Variants in IFT56 observed in about 807,000 individuals in gnomAD.
The protein encoded by IFT56 is intraflagellar transport protein 56.
At chr7:139,135,445 C>T in the IFT56 span, among the ~76,000 whole-genome samples, 1 of 152,104 alleles carries the variant, frequency 6.6e-6, no homozygotes, top group East Asian at 1.9e-4. Flanking sequence ...ATGATTTTTT[C>T]CTATTATGTG....
At chr7:139,163,114 G>A in the IFT56 span, among the ~76,000 whole-genome samples, 1 of 152,078 alleles carries the variant, frequency 6.6e-6, no homozygotes, top group Middle Eastern at 3.2e-3. Context: ...GGAGGCCGAG[G>A]TGGGCGGATC....
the IFT56 span, among the ~76,000 whole-genome samples, chr7:139,145,930 A>G: frequency 2.0e-5 from 3 of 152,222 alleles, no homozygotes; most frequent in Admixed American, 2.0e-4. Context: ...CACAAAAATC[A>G]AGATTTCCTG....
the IFT56 span, among the ~76,000 whole-genome samples, chr7:139,151,324 A>G: frequency 6.6e-6 from 1 of 152,224 alleles, no homozygotes; most frequent in African/African-American, 2.4e-5. Context: ...AAGGGATGGC[A>G]AACAGATGAT....
the IFT56 span, among the ~76,000 whole-genome samples, chr7:139,143,142 C>T: frequency 6.6e-6 from 1 of 152,066 alleles, no homozygotes; most frequent in Non-Finnish European, 1.5e-5. Flanking sequence ...ATAAAAATGT[C>T]ATTCTGAACA....
the IFT56 span, chr7:139,148,196 C>T: frequency 1.3e-6 from 2 of 1,597,038 alleles, no homozygotes; most frequent in East Asian, 2.2e-5. Flanking sequence ...CTAATTCTTT[C>T]ATCTAATAGG....
At chr7:139,185,715 T>C in the IFT56 span, among the ~76,000 whole-genome samples, 3 of 152,132 alleles carry the variant, frequency 2.0e-5, no homozygotes, top group East Asian at 5.8e-4. Flanking sequence ...GCTCTCAGTG[T>C]CTTGACCTGG....
the IFT56 span, among the ~76,000 whole-genome samples, chr7:139,153,022 G>T: frequency 1.3e-5 from 2 of 151,850 alleles, no homozygotes; most frequent in Non-Finnish European, 2.9e-5. Flanking sequence ...GGCCACGTGC[G>T]CCTGTAGTCC....
At chr7:139,140,507 C>T in the IFT56 span, among the ~76,000 whole-genome samples, 5 of 152,018 alleles carry the variant, frequency 3.3e-5, no homozygotes, top group South Asian at 2.1e-4. Context: ...TGGCTGGGTG[C>T]GGTGGCTCAC....
the IFT56 span, chr7:139,147,236 G>A: frequency 1.2e-6 from 2 of 1,613,350 alleles, no homozygotes; most frequent in African/African-American, 1.3e-5. Context: ...CACTATATGC[G>A]ATCTCACTAC....
the IFT56 span, chr7:139,190,708 C>T: frequency 6.6e-6 from 1 of 152,230 alleles, no homozygotes; most frequent in Non-Finnish European, 1.5e-5. Context: ...CTTCTGAGCT[C>T]TTATAACATA....
chr7:139,187,579 C>T, the IFT56 span: 1 of 1,603,922 alleles, frequency 6.2e-7, no homozygotes, highest in Non-Finnish European at 8.5e-7. Context: ...TACTCATTTG[C>T]TTGTTTGTGA....
the IFT56 span, among the ~76,000 whole-genome samples, chr7:139,154,003 A>G: frequency 6.6e-6 from 1 of 152,196 alleles, no homozygotes; most frequent in Non-Finnish European, 1.5e-5. Context: ...AACAGTTGTT[A>G]TCATCTGACT....
the IFT56 span, among the ~76,000 whole-genome samples, chr7:139,183,465 G>T: frequency 6.6e-6 from 1 of 152,180 alleles, no homozygotes; most frequent in Non-Finnish European, 1.5e-5. Flanking sequence ...TCAAGCATAT[G>T]TGTGAGGTCC....
chr7:139,148,247 A>G, the IFT56 span: 1 of 1,613,690 alleles, frequency 6.2e-7, no homozygotes, highest in Non-Finnish European at 8.5e-7. Context: ...CTCTGCTACT[A>G]CAAGTTGGAT....
chr7:139,147,108 G>C, the IFT56 span: 2 of 1,608,314 alleles, frequency 1.2e-6, no homozygotes, highest in Non-Finnish European at 1.7e-6. Context: ...ACACTAATAT[G>C]AATCTTTACA....
the IFT56 span, among the ~76,000 whole-genome samples, chr7:139,147,503 C>G: frequency 6.6e-6 from 1 of 152,032 alleles, no homozygotes; most frequent in Admixed American, 6.5e-5. Context: ...ACTTTTTCCC[C>G]CAATTGCCCT....
the IFT56 span, among the ~76,000 whole-genome samples, chr7:139,184,895 A>C: frequency 6.6e-6 from 1 of 151,886 alleles, no homozygotes; most frequent in East Asian, 1.9e-4. Context: ...TCTACTAAAA[A>C]TACAAAAAAT....
At chr7:139,137,159 G>A in the IFT56 span, among the ~76,000 whole-genome samples, 209 of 152,114 alleles carry the variant, frequency 1.4e-3, no homozygotes, top group African/African-American at 4.7e-3. Flanking sequence ...ATCTTACCAC[G>A]GAAATTCAGA....
At chr7:139,146,503 C>A in the IFT56 span, among the ~76,000 whole-genome samples, 1 of 152,274 alleles carries the variant, frequency 6.6e-6, no homozygotes, top group South Asian at 2.1e-4. Flanking sequence ...CACAGTGGTT[C>A]ACACCTGTAA....
Sources: allele counts gnomAD v4.1 joint callset (sites outside exome capture counted in the v4.1 genomes callset), GRCh38; gene constraint gnomAD v4.1.1; transcripts MANE v1.5; gene names NCBI Gene and HGNC (gene_info 2026-07-23, HGNC 2026-07-21).